The following FRMD1 variants were observed in gnomAD, a reference collection of about 807,000 sequenced individuals.
The protein encoded by FRMD1 is FERM domain containing 1.
In FRMD1, 51 loss-of-function variants were observed where a neutral mutation model predicts 54.9. The ratio of observed to expected loss-of-function variants is 0.93; its 90% CI spans 0.74 to 1.17. FRMD1 has a LOEUF of 1.17. Ranked by LOEUF, FRMD1 falls within the 50% of genes most tolerant of loss-of-function variation. The probability of loss-of-function intolerance (pLI) is 0.00; values close to 1 mark genes in which losing one functional copy is unlikely to be tolerated. For synonymous variants in FRMD1, 324 were observed against 306.4 expected (o/e 1.06, Z -0.60); for missense variants, 729 against 743.0 (o/e 0.98, Z 0.22).
upstream of FRMD1, among the ~76,000 whole-genome samples, chr6:168,084,673 G>A (rs916908612): frequency 2.6e-5 from 4 of 152,212 alleles, no homozygotes; most frequent in Non-Finnish European, 5.9e-5. Context: ...CTGCAGCCCC[G>A]CTGGCTCAAA....
intron 1 of FRMD1, chr6:168,075,824 C>G: frequency 6.5e-7 from 1 of 1,547,042 alleles, no homozygotes. Flanking sequence ...CACCCAGCGT[C>G]TGGTGCGTGT....
Position 168,059,557 on chromosome 6 carries a change from T to A in FRMD1, c.1343-369A>T, listed in dbSNP as rs1799608328. Among the ~76,000 whole-genome samples the A allele has an allele frequency of 6.6e-6, 1 of 152,102 alleles. No homozygotes were observed. The highest frequency in any genetic ancestry group is 2.1e-4 in the South Asian group (1 of 4,830). ...CCTGGCCCTGGGAGGCCCTAGGTGATGTTTTGTGACCCTGGATGGCCCTGG... is the reference window on the plus strand; with the variant it reads ...CCTGGCCCTGGGAGGCCCTAGGTGAAGTTTTGTGACCCTGGATGGCCCTGG... On this transcript the variant is annotated intron_variant, in intron 9 of 10. Transcript: ENST00000283309. The surrounding 1 kb of genome is among the most constrained non-coding windows in gnomAD (Gnocchi z 4.4).
At chr6:168,062,132 C>A in intron 7 of FRMD1, 151 bp from the exon 8 acceptor site, 1 of 813,494 alleles carries the variant, frequency 1.2e-6, no homozygotes. Flanking sequence ...GGACACTGTG[C>A]GCGGACACTG....
upstream of FRMD1, chr6:168,081,642 G>A: frequency 1.1e-6 from 1 of 877,420 alleles, no homozygotes; most frequent in Middle Eastern, 3.4e-4. Context: ...ATGTGGGAAT[G>A]CTGTTCCGTG....
chr6:168,068,629 A>C (rs1241561941), intron 2 of FRMD1, among the ~76,000 whole-genome samples: 2 of 152,186 alleles, frequency 1.3e-5, no homozygotes, highest in African/African-American at 4.8e-5. Context: ...GTTCAACATG[A>C]GGTTAGTTAA....
chr6:168,055,055 T>A lies in FRMD1; in HGVS notation c.*2042A>T, dbSNP rs1348071832. 6.6e-6 allele frequency: 1 copy of A among 152,274 alleles called. No homozygotes were observed. Among genetic ancestry groups the A allele is most frequent in the South Asian group, 2.1e-4 (1 of 4,834 alleles). 9.4% of individuals were successfully genotyped at this position (152,274 alleles called of 1,614,324 possible). A position where few individuals can be genotyped will look rare whatever the true frequency, so the allele number is the denominator to read the frequency against. ...CCCGGTAGTTAACAGGCATCTGGCA[T>A]AATTCTCCATGTCTGTCCACAAGGC... is the stretch of plus-strand genomic sequence containing the variant. On this transcript the variant is annotated 3_prime_UTR_variant, in exon 11 of 11. Transcript: ENST00000283309.
chr6:168,079,794 G>A (rs546949201), upstream of FRMD1, among the ~76,000 whole-genome samples: 2 of 152,328 alleles, frequency 1.3e-5, no homozygotes, highest in African/African-American at 2.4e-5. Flanking sequence ...CCTGGCTTGC[G>A]TGGACAGCAG....
In FRMD1 at chr6:168,053,617, A is replaced by T. The variant is rs1799327126; in HGVS notation, c.*3480T>A. ...GCGTGACGGATGAACCCTGAGTGGA[A>T]GGGGCCGCCTGTCCCAAACACGGAC... On this transcript the variant is annotated 3_prime_UTR_variant, in exon 11 of 11. Transcript: ENST00000283309. 6.6e-6 allele frequency: 1 copy of T among 151,134 alleles called. No homozygotes were observed. The highest frequency in any genetic ancestry group is 2.5e-5 in the African/African-American group (1 of 40,794). 9.4% of individuals were successfully genotyped at this position (151,134 alleles called of 1,614,324 possible). A position where few individuals can be genotyped will look rare whatever the true frequency, so the allele number is the denominator to read the frequency against.
Position 168,061,959 on chromosome 6 carries a change from A to C in FRMD1, c.893T>G (p.Leu298Arg), listed in dbSNP as rs1212010554. The C allele has an allele frequency of 1.9e-6, 3 of 1,597,554 alleles. No homozygotes were observed. The highest frequency in any genetic ancestry group is 2.6e-6 in the Non-Finnish European group (3 of 1,172,874). The change falls in exon 8 of 11, where the codon CTG (leucine) becomes CGG (arginine). Residue 298 changes from leucine (L) to arginine (R), a missense_variant. Leu to Arg is a moderately radical substitution (Grantham distance 102, BLOSUM62 -2). Coordinates refer to ENST00000283309, the MANE Select transcript of FRMD1 (RefSeq NM_024919.6). Reference protein sequence around the residue: ...IYQGKKLEIQLDGLPAAQKLV... With the variant: ...IYQGKKLEIQRDGLPAAQKLV... Reference sequence around the variant, plus strand: ...CTTCTGTGCTGCGGGCAGCCCATCCAGCTGGATCTCCAGCTTCTTTCCCTG... The same window carrying C: ...CTTCTGTGCTGCGGGCAGCCCATCCCGCTGGATCTCCAGCTTCTTTCCCTG...
Position 168,078,963 on chromosome 6 carries a change from C to G in FRMD1, c.132G>C (p.Leu44=), listed in dbSNP as rs761996418. The G allele has an allele frequency of 1.9e-6, 3 of 1,611,628 alleles. No individual in the cohort carries two copies. In the South Asian group the frequency reaches 3.3e-5, roughly 18 times the overall value. Residue 44 remains leucine, a synonymous_variant, in exon 1 of 11, where the codon CTG becomes CTC. Transcript: ENST00000283309. The stretch of plus-strand genomic sequence containing the variant: ...GTTCCGAGGCCATCGCGTCCATTCC[C>G]AGGGTCGGCTCCTGCTGACTGCATG... ...RPACSQQEPT[L]GMDAMASEHR...
At chr6:168,083,596 C>T (rs992360859), upstream of FRMD1, among the ~76,000 whole-genome samples, 3 of 152,260 alleles carry the variant, frequency 2.0e-5, no homozygotes, top group African/African-American at 7.2e-5. Context: ...TGAAGGGCAG[C>T]TGTGCACTCC....
At chr6:168,091,242 T>C (rs35485922) in intron 1 of FRMD1, among the ~76,000 whole-genome samples, 79,103 of 152,026 alleles carry the variant, frequency 0.52, 21,619 homozygotes, top group African/African-American at 0.69. Context: ...CTGGAGACCC[T>C]GCAGTGTGCG....
At chr6:168,088,374 C>T (rs1299719667) in intron 1 of FRMD1, among the ~76,000 whole-genome samples, 6 of 152,104 alleles carry the variant, frequency 3.9e-5, no homozygotes, top group South Asian at 2.1e-4. Context: ...GGGGAGTGGC[C>T]GGGAGGCAAG....
Position 168,059,317 on chromosome 6 carries a change from C to A in FRMD1, c.1343-129G>T. ...CATCTCCTGAGGCTCACACCGCCCC[C>A]TTGCTCTCAGTGCGGTGACTGCTTT... On this transcript the variant is annotated intron_variant, in intron 9 of 10. Coordinates refer to ENST00000283309, the MANE Select transcript of FRMD1 (RefSeq NM_024919.6). This position sits in a 1 kb window ranked among gnomAD's most constrained non-coding sequence, Gnocchi z 4.4. 1 of 729,602 alleles carries A rather than the reference C, an allele frequency of 1.4e-6. No homozygotes were observed. Among genetic ancestry groups the A allele is most frequent in the Non-Finnish European group, 2.3e-6 (1 of 443,998 alleles). 45.2% of individuals were successfully genotyped at this position (729,602 alleles called of 1,614,324 possible). A position where few individuals can be genotyped will look rare whatever the true frequency, so the allele number is the denominator to read the frequency against.
At chr6:168,087,044 C>T (rs922200995) in intron 1 of FRMD1, among the ~76,000 whole-genome samples, 1 of 152,156 alleles carries the variant, frequency 6.6e-6, no homozygotes, top group African/African-American at 2.4e-5. Flanking sequence ...GCCTGGTTTT[C>T]AACCACTGAT....
intron 4 of FRMD1, chr6:168,065,565 G>A (rs770716191): frequency 2.1e-4 from 207 of 986,970 alleles, no homozygotes; most frequent in Non-Finnish European, 2.3e-4. Flanking sequence ...TAATTCCCCC[G>A]AACTGGCCCC....
intron 2 of FRMD1, among the ~76,000 whole-genome samples, chr6:168,074,188 C>G (rs1800445977): frequency 6.6e-6 from 1 of 152,176 alleles, no homozygotes; most frequent in African/African-American, 2.4e-5. Context: ...GCGACACAAT[C>G]CAGCTGCAGG....
chr6:168,072,868 C>T (rs957345766), intron 2 of FRMD1, among the ~76,000 whole-genome samples: 1 of 152,118 alleles, frequency 6.6e-6, no homozygotes, highest in African/African-American at 2.4e-5. Flanking sequence ...AACCGAATAG[C>T]AAAACTGGAC....
At chr6:168,067,197 A>G in intron 3 of FRMD1, 170 bp downstream of exon 3, 1 of 673,700 alleles carries the variant, frequency 1.5e-6, no homozygotes, top group Non-Finnish European at 2.7e-6. Flanking sequence ...CTCCCACCCC[A>G]CGCATCCCAC....
Sources: allele counts gnomAD v4.1 joint callset (sites outside exome capture counted in the v4.1 genomes callset), GRCh38; gene constraint gnomAD v4.1.1; non-coding constraint Gnocchi (gnomAD v3.1); transcripts MANE v1.5; gene names NCBI Gene and HGNC (gene_info 2026-07-23, HGNC 2026-07-21).